GUCY2F: variants seen among roughly 807,000 people sequenced by gnomAD.
GUCY2F encodes the protein guanylate cyclase 2F, retinal, also known as retinal guanylyl cyclase 2.
A neutral mutation model predicts 73.1 loss-of-function variants in GUCY2F; 61 were observed. The ratio of observed to expected loss-of-function variants is 0.83; its 90% CI spans 0.68 to 1.03. The LOEUF (loss-of-function observed/expected upper bound fraction) is 1.03. Ranked by LOEUF, GUCY2F falls within the 50% of genes least tolerant of loss-of-function variation. The pLI is 0.00. For missense variants in GUCY2F, 912 were observed against 854.3 expected (o/e 1.07, Z -0.84); for synonymous variants, 331 against 307.8 (o/e 1.08, Z -0.79).
intron 8 of GUCY2F, among the ~76,000 whole-genome samples, chrX:109,414,297 T>A (rs1320743616): frequency 9.0e-6 from 1 of 111,490 alleles, no homozygotes; most frequent in Admixed American, 9.5e-5. Flanking sequence ...TGTACCTCCA[T>A]GAGTTAATTG....
rs781203206 is a variant in GUCY2F at position 109,388,664 on chromosome X, C to T, written c.2782-1G>A. 2.6e-6 allele frequency: 3 copies of T among 1,166,274 alleles called. No individual in the cohort carries two copies. The Admixed American group carries it at 6.6e-5, about 26-fold the overall frequency. On this transcript the variant is annotated splice_acceptor_variant, in intron 14 of 19. Transcript: ENST00000218006. LOFTEE classifies it high-confidence loss of function. ...TGTAGGCATCTCCAATGGTCTCTAC[C>T]TGGGAATTAGGAAAAATAGAATTAG... is the stretch of plus-strand genomic sequence containing the variant.
At chrX:109,435,956 C>A (rs1931735537) in intron 7 of GUCY2F, among the ~76,000 whole-genome samples, 1 of 111,268 alleles carries the variant, frequency 9.0e-6, no homozygotes, top group Non-Finnish European at 1.9e-5. Context: ...ATTGAACCAG[C>A]CTTGCATCCC....
intron 13 of GUCY2F, among the ~76,000 whole-genome samples, chrX:109,392,370 C>T (rs1465470009): frequency 2.7e-5 from 3 of 111,707 alleles, no homozygotes; most frequent in Admixed American, 9.5e-5. Context: ...GTTTTCATCT[C>T]TCTATACTTC....
chrX:109,376,666 A>AGGGACTCTTACAGGTAGGGT (rs1252084483), intron 17 of GUCY2F, among the ~76,000 whole-genome samples: 1 of 111,967 alleles, frequency 8.9e-6, no homozygotes, highest in African/African-American at 3.2e-5. Context: ...CTTCCAGCCA[A>AGGGACTCTTACAGGTAGGGT]GGGACTCTTA....
At chrX:109,430,903 A>AG (rs973961971) in intron 7 of GUCY2F, among the ~76,000 whole-genome samples, 55 of 110,634 alleles carry the variant, frequency 5.0e-4, no homozygotes, top group Non-Finnish European at 8.5e-4. Flanking sequence ...GTGTGTATGG[A>AG]GGGGGGGCTG....
At chrX:109,480,850 G>C (rs1932759758) in intron 1 of GUCY2F, among the ~76,000 whole-genome samples, 1 of 108,458 alleles carries the variant, frequency 9.2e-6, no homozygotes. Context: ...ATTTAGTCTT[G>C]ATCCCCCAAC....
At chrX:109,475,114 G>A in intron 2 of GUCY2F, 93 bp downstream of exon 2, 1 of 866,816 alleles carries the variant, frequency 1.2e-6, no homozygotes, top group Non-Finnish European at 1.6e-6. Context: ...GAAGGGATGT[G>A]CTACCCTAGG....
chrX:109,442,138 C>T (rs1384113712), intron 6 of GUCY2F, among the ~76,000 whole-genome samples: 2 of 111,736 alleles, frequency 1.8e-5, no homozygotes, highest in Non-Finnish European at 1.9e-5. Flanking sequence ...ACACATAAGT[C>T]TGGTAGGAAA....
chrX:109,401,583 A>G (rs981864082), intron 10 of GUCY2F, among the ~76,000 whole-genome samples: 5 of 111,905 alleles, frequency 4.5e-5, no homozygotes, highest in Non-Finnish European at 9.4e-5. Context: ...AGGAACTGTG[A>G]AAGGCACTGA....
intron 6 of GUCY2F, among the ~76,000 whole-genome samples, chrX:109,446,457 C>T (rs1447189122): frequency 9.0e-6 from 1 of 111,163 alleles, no homozygotes; most frequent in African/African-American, 3.3e-5. Flanking sequence ...ACAGAGCCCT[C>T]AGAAATAATA....
At position 109,475,973 on chromosome X, in the gene GUCY2F, T is replaced by A. The variant is rs1409890905; in HGVS notation, c.-37A>T. ...TTCCAGCAAGCTAATGACGAGATAC[T>A]GGAGAGTTATTCTGCTTTCCCGACA... On this transcript the variant is annotated 5_prime_UTR_variant, in exon 2 of 20. Transcript: ENST00000218006. The A allele has an allele frequency of 8.8e-7, 1 of 1,141,716 alleles. No individual in the cohort carries two copies. Among genetic ancestry groups the A allele is most frequent in the African/African-American group, 1.8e-5 (1 of 54,738 alleles). 94.1% of individuals were successfully genotyped at this position (1,141,716 alleles called of 1,213,427 possible).
At position 109,395,348 on chromosome X, in the gene GUCY2F, A is replaced by C; in HGVS notation, c.2417T>G (p.Phe806Cys). The C allele has an allele frequency of 1.7e-6, 2 of 1,207,494 alleles. No homozygotes were observed. Among genetic ancestry groups the C allele is most frequent in the Non-Finnish European group, 2.2e-6 (2 of 891,971 alleles). ...AEQRPTFDEIFNQFKTFNKGK... is the reference protein window; with the variant it reads ...AEQRPTFDEICNQFKTFNKGK... ...AAGATTCAGAGTCCTTACCTGGTTAAATATTTCATCAAAAGTTGGTCGTTG... is the reference window on the plus strand; with the variant it reads ...AAGATTCAGAGTCCTTACCTGGTTACATATTTCATCAAAAGTTGGTCGTTG... The change falls in exon 12 of 20, where the codon TTT becomes TGT. Residue 806 changes from phenylalanine (F) to cysteine (C), a missense_variant. Physicochemically the swap from Phe to Cys is radical, Grantham distance 205 (BLOSUM62 -2). Coordinates refer to ENST00000218006, the MANE Select transcript of GUCY2F (RefSeq NM_001522.3).
intron 5 of GUCY2F, among the ~76,000 whole-genome samples, chrX:109,449,749 A>G (rs1391167896): frequency 8.9e-6 from 1 of 112,026 alleles, no homozygotes; most frequent in Non-Finnish European, 1.9e-5. Context: ...TTATAAAAGT[A>G]TGAGGGATCG....
At chrX:109,405,100 G>A (rs914314168) in intron 9 of GUCY2F, among the ~76,000 whole-genome samples, 6 of 111,778 alleles carry the variant, frequency 5.4e-5, no homozygotes, top group African/African-American at 1.9e-4. Context: ...CACTTAAAAA[G>A]AATAAGATAG....
intron 19 of GUCY2F, among the ~76,000 whole-genome samples, chrX:109,374,571 A>T (rs1930133008): frequency 8.9e-6 from 1 of 111,857 alleles, no homozygotes; most frequent in Non-Finnish European, 1.9e-5. Flanking sequence ...CCAATGCCAC[A>T]CTACCCTTCC....
intron 10 of GUCY2F, among the ~76,000 whole-genome samples, chrX:109,404,101 G>T (rs1335389790): frequency 8.9e-6 from 1 of 112,265 alleles, no homozygotes; most frequent in Non-Finnish European, 1.9e-5. Flanking sequence ...TCCTAATCCT[G>T]CCACAGCAGG....
intron 10 of GUCY2F, among the ~76,000 whole-genome samples, chrX:109,403,617 A>G (rs1930901108): frequency 8.9e-6 from 1 of 112,093 alleles, no homozygotes; most frequent in Non-Finnish European, 1.9e-5. Flanking sequence ...AAACTTTGGT[A>G]GTGCCAATGA....
chrX:109,452,058 G>T lies in GUCY2F; in HGVS notation c.1437C>A (p.Ala479=). Residue 479 remains alanine, a synonymous_variant, in exon 5 of 20, where the codon GCC becomes GCA. Transcript: ENST00000218006. ...AAGCAAATCCATTAATAGACAGCAG[G>T]GCTATAAGCAAAGTAAGGCAGACCA... is the stretch of plus-strand genomic sequence containing the variant. ...AMMVCLTLLI[A]LLSINGFAYF... is the part of the protein sequence containing the mutation. 8.9e-7 allele frequency: 1 copy of T among 1,118,262 alleles called. No homozygotes were observed. The highest frequency in any genetic ancestry group is 1.2e-6 in the Non-Finnish European group (1 of 810,666). 92.2% of individuals were successfully genotyped at this position (1,118,262 alleles called of 1,213,427 possible).
At chrX:109,455,174 G>C (rs1932233488) in intron 3 of GUCY2F, among the ~76,000 whole-genome samples, 1 of 111,297 alleles carries the variant, frequency 9.0e-6, no homozygotes, top group African/African-American at 3.3e-5. Context: ...TGATACCCCA[G>C]TAATCAGCAT....
Sources: gnomAD v4.1 joint callset for allele counts (sites outside exome capture counted in the v4.1 genomes callset) on GRCh38, gnomAD v4.1.1 for gene constraint, MANE v1.5 for transcripts, NCBI Gene and HGNC (gene_info 2026-07-23, HGNC 2026-07-21) for gene names.